DIAPH2: variants seen among roughly 807,000 people sequenced by gnomAD.
DIAPH2 encodes the protein protein diaphanous homolog 2.
Under a neutral mutation model 92.7 loss-of-function variants are expected in DIAPH2, and 35 were observed. The observed-to-expected ratio is 0.38, with a 90% CI of 0.29 to 0.50. DIAPH2 has a LOEUF of 0.50. DIAPH2 is among the 20% of genes least tolerant of loss of function. DIAPH2 has a pLI of 0.94. For missense variants in DIAPH2, 701 were observed against 819.5 expected (o/e 0.86, Z 1.77); for synonymous variants, 301 against 280.4 (o/e 1.07, Z -0.73).
chrX:97,370,239 C>T (rs2069433180), intron 24 of DIAPH2, among the ~76,000 whole-genome samples: 1 of 111,581 alleles, frequency 9.0e-6, no homozygotes, highest in African/African-American at 3.3e-5. Context: ...TTCCCTGTCC[C>T]TCTCATCACC....
chrX:97,435,028 C>T (rs1007887561), intron 26 of DIAPH2, among the ~76,000 whole-genome samples: 2 of 111,122 alleles, frequency 1.8e-5, no homozygotes, highest in Non-Finnish European at 3.8e-5. Context: ...AGAATCCAGA[C>T]ATTATTGTCC....
At chrX:96,802,863 G>A (rs903641583) in intron 4 of DIAPH2, among the ~76,000 whole-genome samples, 2 of 111,895 alleles carry the variant, frequency 1.8e-5, no homozygotes, top group Non-Finnish European at 3.8e-5. Context: ...TTCAGTCTAT[G>A]GCTGAAGGCC....
chrX:96,734,630 G>C (rs1026083626), intron 1 of DIAPH2, among the ~76,000 whole-genome samples: 1 of 111,245 alleles, frequency 9.0e-6, no homozygotes, highest in African/African-American at 3.3e-5. Flanking sequence ...ATGAAGACAT[G>C]GTATAGAGAT....
intron 23 of DIAPH2, among the ~76,000 whole-genome samples, chrX:97,323,550 C>G (rs2147657789): frequency 1.1e-5 from 1 of 93,200 alleles, no homozygotes; most frequent in South Asian, 5.9e-4. Context: ...GAGATCGCAC[C>G]ATTGCACTCC....
At chrX:96,997,747 A>G (rs969300683) in intron 17 of DIAPH2, among the ~76,000 whole-genome samples, 1 of 111,560 alleles carries the variant, frequency 9.0e-6, no homozygotes, top group African/African-American at 3.3e-5. Context: ...TCATACCTCC[A>G]TCTCAGTAAT....
At chrX:96,815,894 C>G (rs2064730388) in intron 4 of DIAPH2, among the ~76,000 whole-genome samples, 1 of 111,165 alleles carries the variant, frequency 9.0e-6, no homozygotes, top group Admixed American at 9.5e-5. Context: ...GGTCTTGGAA[C>G]TCCTGAGCTC....
chrX:96,996,926 G>A lies in DIAPH2; in HGVS notation c.2050+31719G>A, dbSNP rs1038811414. ...AAAATAAAAGCAATGAAGTAAAGCT[G>A]GGATATATTCTTATTTTCTTATTTA... is the stretch of plus-strand genomic sequence containing the variant. On this transcript the variant is annotated intron_variant, in intron 17 of 26. Transcript: ENST00000324765. Among the ~76,000 whole-genome samples, 5 of 111,846 alleles carry A rather than the reference G, an allele frequency of 4.5e-5. No homozygotes were observed. In the East Asian group the frequency reaches 1.1e-3, roughly 25 times the overall value.
rs950455880 is a variant in DIAPH2, at chrX:97,601,185, G to T, written c.*1868G>T. The T allele has an allele frequency of 2.7e-5, 3 of 111,937 alleles. No individual in the cohort carries two copies. The highest frequency in any genetic ancestry group is 9.8e-5 in the African/African-American group (3 of 30,728). The allele number at this position is 111,937 out of a possible 1,213,427, so 9.2% of individuals were successfully genotyped here. ...GTCTTTCTTTTCTGAAATCTTCGTG[G>T]TATGGCTTTTTTAATTCTTTTGACA... On this transcript the variant is annotated 3_prime_UTR_variant, in exon 27 of 27. Coordinates refer to ENST00000324765, the MANE Select transcript of DIAPH2 (RefSeq NM_006729.5).
At chrX:96,999,186 A>T (rs929676704) in intron 17 of DIAPH2, among the ~76,000 whole-genome samples, 13 of 111,158 alleles carry the variant, frequency 1.2e-4, no homozygotes, top group African/African-American at 4.3e-4. Context: ...CCAGTAATAA[A>T]TTTACTTATG....
Position 96,770,566 on chromosome X carries a change from G to A in DIAPH2, c.447+12308G>A, listed in dbSNP as rs191189600. On this transcript the variant is annotated intron_variant, in intron 4 of 26. Transcript: ENST00000324765. Reference sequence around the variant, plus strand: ...GAGGTTGAAGTAGCTGCTTCGTGATGATAAAACATTGTGTTCTTGTATTCC... The same window carrying A: ...GAGGTTGAAGTAGCTGCTTCGTGATAATAAAACATTGTGTTCTTGTATTCC... Among the ~76,000 whole-genome samples the A allele has an allele frequency of 1.6e-3, 175 of 111,811 alleles. 1 individual carries two copies. Among genetic ancestry groups the A allele is most frequent in the African/African-American group, 5.6e-3 (172 of 30,802 alleles).
At chrX:97,246,868 C>T (rs1310917641) in intron 22 of DIAPH2, among the ~76,000 whole-genome samples, 4 of 111,611 alleles carry the variant, frequency 3.6e-5, no homozygotes, top group Non-Finnish European at 3.8e-5. Flanking sequence ...TAGAATCTTG[C>T]CAAATGCTGT....
chrX:96,985,148 T>C (rs1480096023), intron 17 of DIAPH2, among the ~76,000 whole-genome samples: 1 of 111,439 alleles, frequency 9.0e-6, no homozygotes, highest in Non-Finnish European at 1.9e-5. Flanking sequence ...ATATACCATA[T>C]TGTAGAACTG....
At chrX:97,208,478 T>C (rs2067815160) in intron 22 of DIAPH2, among the ~76,000 whole-genome samples, 1 of 112,071 alleles carries the variant, frequency 8.9e-6, no homozygotes, top group Non-Finnish European at 1.9e-5. Flanking sequence ...TTTCAGTCTG[T>C]TTTCAGATTA....
chrX:97,025,495 CA>C (rs1416678840), intron 17 of DIAPH2, among the ~76,000 whole-genome samples: 2 of 107,977 alleles, frequency 1.9e-5, no homozygotes. Flanking sequence ...ACTAAAAATA[CA>C]AAAAAAATAG....
At chrX:97,502,984 G>T (rs1425509275) in intron 26 of DIAPH2, among the ~76,000 whole-genome samples, 1 of 112,020 alleles carries the variant, frequency 8.9e-6, no homozygotes. Flanking sequence ...GTACCATTTT[G>T]CAGGAAAATA....
At chrX:97,198,372 A>G (rs1429881051) in intron 22 of DIAPH2, among the ~76,000 whole-genome samples, 7 of 109,299 alleles carry the variant, frequency 6.4e-5, no homozygotes, top group Non-Finnish European at 1.3e-4. Context: ...GGACCATCAG[A>G]TTTTAATATA....
At chrX:96,895,029 A>T (rs2065335162) in intron 5 of DIAPH2, among the ~76,000 whole-genome samples, 2 of 77,813 alleles carry the variant, frequency 2.6e-5, no homozygotes, top group Admixed American at 2.0e-4. Context: ...TTTGAGATGG[A>T]GTCTGGCTCT....
intron 23 of DIAPH2, among the ~76,000 whole-genome samples, chrX:97,284,742 C>CAAATT (rs932563048): frequency 9.0e-5 from 10 of 111,060 alleles, no homozygotes; most frequent in Admixed American, 2.9e-4. Flanking sequence ...AGGAAGTTCT[C>CAAATT]AAATTGTGAA....
At chrX:96,778,451 A>G (rs993147699) in intron 4 of DIAPH2, among the ~76,000 whole-genome samples, 1 of 109,951 alleles carries the variant, frequency 9.1e-6, no homozygotes, top group Non-Finnish European at 1.9e-5. Context: ...TTAGTTGCCT[A>G]TTTGTAACAC....
Sources: allele counts gnomAD v4.1 joint callset (sites outside exome capture counted in the v4.1 genomes callset), GRCh38; gene constraint gnomAD v4.1.1; transcripts MANE v1.5; gene names NCBI Gene and HGNC (gene_info 2026-07-23, HGNC 2026-07-21).